Variants in PLD1 observed in about 807,000 individuals in gnomAD.
The protein encoded by PLD1 is phospholipase D1, also known as choline phosphatase 1.
A neutral mutation model predicts 137.1 loss-of-function variants in PLD1; 112 were observed. The ratio of observed to expected loss-of-function variants is 0.82; its 90% CI spans 0.70 to 0.96. PLD1 has a LOEUF of 0.96. Ranked by LOEUF, PLD1 falls within the 40% of genes least tolerant of loss-of-function variation. PLD1 has a pLI of 0.00. For synonymous variants in PLD1, 431 were observed against 454.7 expected (o/e 0.95, Z 0.66); for missense variants, 1,321 against 1,342.0 (o/e 0.98, Z 0.24).
intron 12 of PLD1, among the ~76,000 whole-genome samples, chr3:171,697,338 G>A (rs1055752851): frequency 3.6e-4 from 51 of 142,694 alleles, no homozygotes; most frequent in African/African-American, 1.3e-3. Context: ...TCCGCCTCCC[G>A]GGTTCACGCC....
At position 171,688,845 on chromosome 3, in the gene PLD1, G is replaced by A. The variant is rs1189902281; in HGVS notation, c.1370C>T (p.Thr457Ile). Reference sequence around the variant, plus strand: ...CTCATGGTGAGCCCACAAATAGACGGTGGATGACACATGATCCGGGTGTCT... The same window carrying A: ...CTCATGGTGAGCCCACAAATAGACGATGGATGACACATGATCCGGGTGTCT... ...VMRHPDHVSS[T>I]VYLWAHHEKL... is the part of the protein sequence containing the mutation. The change falls in exon 14 of 27, where the codon ACC (threonine) becomes ATC (isoleucine). Residue 457 changes from threonine (T) to isoleucine (I), a missense_variant. Coordinates refer to ENST00000351298, the MANE Select transcript of PLD1 (RefSeq NM_002662.5). 3 of 1,614,032 alleles carry A rather than the reference G, an allele frequency of 1.9e-6. No individual in the cohort carries two copies. Among genetic ancestry groups the A allele is most frequent in the Non-Finnish European group, 2.5e-6 (3 of 1,179,966 alleles).
intron 1 of PLD1, among the ~76,000 whole-genome samples, chr3:171,784,288 G>C (rs1488249411): frequency 1.3e-5 from 2 of 150,870 alleles, no homozygotes; most frequent in Non-Finnish European, 2.9e-5. Flanking sequence ...TGGAGGATTT[G>C]AAGAAACTAG....
intron 24 of PLD1, among the ~76,000 whole-genome samples, chr3:171,613,433 T>C (rs1732845196): frequency 1.3e-5 from 2 of 152,198 alleles, no homozygotes; most frequent in Admixed American, 6.5e-5. Context: ...GGCTTTGCTT[T>C]TGGAGTTAAG....
Position 171,653,071 on chromosome 3 carries a change from T to TC in PLD1, c.2429+6141dup, listed in dbSNP as rs538207344. 8.0e-4 allele frequency among the ~76,000 whole-genome samples: 122 copies of TC among 152,306 alleles called. 1 individual carries two copies. The highest frequency in any genetic ancestry group is 4.6e-3 in the Admixed American group (71 of 15,296). On this transcript the variant is annotated intron_variant, in intron 21 of 26. Transcript: ENST00000351298. ...CCTACAGACATGGTTTGAGTCCTAC[T>TC]CCTATCCAACCATAGCTGTATGACT...
chr3:171,801,037 A>T (rs944265619), intron 1 of PLD1, among the ~76,000 whole-genome samples: 4 of 152,252 alleles, frequency 2.6e-5, no homozygotes, highest in African/African-American at 9.6e-5. Context: ...TTTGAAAATC[A>T]CTATCAAGGA....
At chr3:171,651,765 A>C (rs184105767) in intron 21 of PLD1, among the ~76,000 whole-genome samples, 2 of 152,086 alleles carry the variant, frequency 1.3e-5, no homozygotes, top group Non-Finnish European at 2.9e-5. Flanking sequence ...TGGCCCCCAA[A>C]TGAGGTTATA....
intron 24 of PLD1, among the ~76,000 whole-genome samples, chr3:171,617,620 A>G (rs1445733418): frequency 6.6e-6 from 1 of 152,214 alleles, no homozygotes; most frequent in African/African-American, 2.4e-5. Context: ...GAAACCAAAT[A>G]TATGTGTGTC....
At chr3:171,708,500 A>G (rs1716877135) in intron 11 of PLD1, among the ~76,000 whole-genome samples, 1 of 152,248 alleles carries the variant, frequency 6.6e-6, no homozygotes, top group East Asian at 1.9e-4. Context: ...TACTGACATG[A>G]AAACTTGGAA....
intron 23 of PLD1, among the ~76,000 whole-genome samples, chr3:171,636,000 A>AAGTGGATATCT (rs1735097620): frequency 2.5e-5 from 1 of 40,472 alleles, no homozygotes; most frequent in African/African-American, 7.9e-5. Context: ...TTTTTTTTGC[A>AAGTGGATATCT]AGTGGATATC....
At chr3:171,643,336 G>A (rs1432775464) in intron 22 of PLD1, among the ~76,000 whole-genome samples, 3 of 152,062 alleles carry the variant, frequency 2.0e-5, no homozygotes, top group African/African-American at 7.2e-5. Context: ...TTTAAATTCA[G>A]CAAAACCACT....
At chr3:171,605,507 AAT>A in intron 25 of PLD1, 91 bp from the exon 26 acceptor site, 1 of 753,178 alleles carries the variant, frequency 1.3e-6, no homozygotes, top group East Asian at 2.5e-5. Context: ...TATATATGCA[AAT>A]ATATATATGC....
At chr3:171,774,196 C>T (rs1436984837) in intron 1 of PLD1, among the ~76,000 whole-genome samples, 3 of 152,310 alleles carry the variant, frequency 2.0e-5, no homozygotes, top group East Asian at 3.9e-4. Flanking sequence ...TTCCTGAGTG[C>T]GTACCACTTA....
At chr3:171,789,638 C>T (rs1723144312) in intron 1 of PLD1, 1 of 152,196 alleles carries the variant, frequency 6.6e-6, no homozygotes, top group Non-Finnish European at 1.5e-5. Context: ...ATTTTAAGTG[C>T]TACTAACTTT....
intron 1 of PLD1, chr3:171,791,643 C>G (rs1723215584): frequency 6.6e-6 from 1 of 152,188 alleles, no homozygotes; most frequent in Non-Finnish European, 1.5e-5. Context: ...ATTCCTTTAG[C>G]TTCAAGTAAA....
chr3:171,777,120 A>C (rs1424538697), intron 1 of PLD1, among the ~76,000 whole-genome samples: 1 of 152,176 alleles, frequency 6.6e-6, no homozygotes, highest in African/African-American at 2.4e-5. Context: ...TTACAATGTA[A>C]ATTACTATGT....
chr3:171,627,926 T>C (rs1269465412), intron 23 of PLD1, among the ~76,000 whole-genome samples: 26 of 151,514 alleles, frequency 1.7e-4, no homozygotes, highest in African/African-American at 3.9e-4. Flanking sequence ...CCAAAATTGA[T>C]ACCCTAACAT....
intron 18 of PLD1, among the ~76,000 whole-genome samples, chr3:171,674,979 C>CAAAAAAAAAAAAAAA (rs376402019): frequency 6.7e-5 from 5 of 75,030 alleles, no homozygotes; most frequent in African/African-American, 9.2e-5. Context: ...ATCTCCATCT[C>CAAAAAAAAAAAAAAA]AAAAAAAAAA....
chr3:171,693,399 C>G (rs1445302872), intron 12 of PLD1, among the ~76,000 whole-genome samples: 1 of 152,136 alleles, frequency 6.6e-6, no homozygotes, highest in African/African-American at 2.4e-5. Flanking sequence ...CATTCTAGTT[C>G]TGGTTGGTGA....
At chr3:171,636,802 T>C (rs191333331) in intron 23 of PLD1, among the ~76,000 whole-genome samples, 62 of 152,300 alleles carry the variant, frequency 4.1e-4, no homozygotes, top group Non-Finnish European at 7.6e-4. Flanking sequence ...CAGTACGATG[T>C]TGACAAAAGT....
Sources: gnomAD v4.1 joint callset for allele counts (sites outside exome capture counted in the v4.1 genomes callset) on GRCh38, gnomAD v4.1.1 for gene constraint, MANE v1.5 for transcripts, NCBI Gene and HGNC (gene_info 2026-07-23, HGNC 2026-07-21) for gene names.